The following CACNA2D1 variants were observed in gnomAD, a reference collection of about 807,000 sequenced individuals.
CACNA2D1 encodes calcium voltage-gated channel auxiliary subunit alpha2delta 1, also known as voltage-dependent calcium channel subunit alpha-2/delta-1.
CACNA2D1 carries 53 observed loss-of-function variants against 171.5 expected under a neutral mutation model. That is an observed-to-expected ratio of 0.31 (90% confidence interval 0.25 to 0.39). CACNA2D1 has a LOEUF of 0.39. Ranked by LOEUF, CACNA2D1 falls within the 10% of genes least tolerant of loss-of-function variation. The pLI, the probability that CACNA2D1 is intolerant of heterozygous loss-of-function variation, is 1.00. For missense variants in CACNA2D1, 903 were observed against 1,299.8 expected, an observed-to-expected ratio of 0.69 and a Z score of 4.69; for synonymous variants, 442 against 443.1, an observed-to-expected ratio of 1.00 and a Z score of 0.03.
intron 6 of CACNA2D1, among the ~76,000 whole-genome samples, chr7:82,114,526 C>T (rs534275209): frequency 3.3e-5 from 5 of 152,054 alleles, no homozygotes; most frequent in South Asian, 4.1e-4. Context: ...GGGTGGATCA[C>T]GAGGTCAGGA....
At chr7:82,092,540 C>CTTTTTTTTTTT (rs71093360) in intron 6 of CACNA2D1, among the ~76,000 whole-genome samples, 183 of 102,650 alleles carry the variant, frequency 1.8e-3, no homozygotes, top group Middle Eastern at 5.7e-3. Context: ...GCCCAGCTAA[C>CTTTTTTTTTTT]TTTTTTTTTT....
intron 3 of CACNA2D1, among the ~76,000 whole-genome samples, chr7:82,265,416 CTTTTTTTTT>C (rs765047961): frequency 1.3e-5 from 1 of 77,298 alleles, no homozygotes; most frequent in Middle Eastern, 0.012. Flanking sequence ...TTTTTCCTTT[CTTTTTTTTT>C]TTTTTTTTTT....
At chr7:82,360,308 A>G (rs1820952181) in intron 1 of CACNA2D1, among the ~76,000 whole-genome samples, 1 of 152,204 alleles carries the variant, frequency 6.6e-6, no homozygotes, top group Non-Finnish European at 1.5e-5. Context: ...AGGCTGTTAC[A>G]GTTAGAAAAT....
chr7:82,272,000 A>C (rs1301684110), intron 3 of CACNA2D1, among the ~76,000 whole-genome samples: 2 of 152,068 alleles, frequency 1.3e-5, no homozygotes, highest in South Asian at 4.1e-4. Context: ...ATGGACTAGC[A>C]ATCTAAACAT....
chr7:82,234,402 G>A (rs777797550), intron 3 of CACNA2D1, among the ~76,000 whole-genome samples: 5 of 152,004 alleles, frequency 3.3e-5, no homozygotes, highest in Non-Finnish European at 7.4e-5. Context: ...ATGTCACAGA[G>A]GGTAGGGTAA....
intron 3 of CACNA2D1, among the ~76,000 whole-genome samples, chr7:82,271,938 C>A (rs1256623227): frequency 2.0e-5 from 3 of 151,942 alleles, no homozygotes; most frequent in Non-Finnish European, 2.9e-5. Context: ...CTTCCTGAAT[C>A]TATTTCAACT....
intron 3 of CACNA2D1, among the ~76,000 whole-genome samples, chr7:82,286,136 T>A (rs1373940185): frequency 6.6e-6 from 1 of 152,154 alleles, no homozygotes; most frequent in East Asian, 1.9e-4. Context: ...TATTTAACAT[T>A]TGTGTGTCTG....
At chr7:82,127,933 T>C (rs1790523768) in intron 5 of CACNA2D1, among the ~76,000 whole-genome samples, 1 of 152,086 alleles carries the variant, frequency 6.6e-6, no homozygotes, top group East Asian at 1.9e-4. Context: ...TGAGGTTTTT[T>C]GTTTGTTTTT....
intron 1 of CACNA2D1, among the ~76,000 whole-genome samples, chr7:82,397,059 T>G (rs1338971967): frequency 6.6e-6 from 1 of 152,186 alleles, no homozygotes; most frequent in African/African-American, 2.4e-5. Context: ...AAAAGTTGCA[T>G]GGTCCTCCCC....
At chr7:82,367,915 A>C (rs1821927493) in intron 1 of CACNA2D1, among the ~76,000 whole-genome samples, 1 of 152,198 alleles carries the variant, frequency 6.6e-6, no homozygotes, top group Admixed American at 6.5e-5. Context: ...TTCTATTTGC[A>C]ATATCTGAAT....
intron 3 of CACNA2D1, among the ~76,000 whole-genome samples, chr7:82,190,922 T>C (rs1213617803): frequency 6.6e-6 from 1 of 151,708 alleles, no homozygotes; most frequent in Non-Finnish European, 1.5e-5. Flanking sequence ...TGCCATTGAA[T>C]GACACTACAA....
chr7:82,111,364 GTATATATATATTCATATA>G (rs1563064810), intron 6 of CACNA2D1, among the ~76,000 whole-genome samples: 35 of 105,472 alleles, frequency 3.3e-4, no homozygotes, highest in Non-Finnish European at 5.2e-4. Context: ...GTGTATATAT[GTATATATATATTCATATA>G]TGTGTATATA....
At chr7:82,329,004 T>A (rs1816970609) in intron 3 of CACNA2D1, among the ~76,000 whole-genome samples, 1 of 152,122 alleles carries the variant, frequency 6.6e-6, no homozygotes, top group South Asian at 2.1e-4. Context: ...TTTTCTTGAG[T>A]TTCTTTCCAC....
chr7:82,068,305 G>C (rs1807906221), intron 7 of CACNA2D1, among the ~76,000 whole-genome samples: 1 of 152,018 alleles, frequency 6.6e-6, no homozygotes. Context: ...GAAAGACCTG[G>C]AACCTCAGAG....
At chr7:82,414,676 C>T (rs554526812) in intron 1 of CACNA2D1, among the ~76,000 whole-genome samples, 21 of 152,228 alleles carry the variant, frequency 1.4e-4, no homozygotes, top group South Asian at 8.3e-4. Flanking sequence ...CTGATCCATT[C>T]GAAGGAGGTG....
intron 38 of CACNA2D1, among the ~76,000 whole-genome samples, chr7:81,954,385 G>C (rs1792970320): frequency 6.6e-6 from 1 of 151,862 alleles, no homozygotes; most frequent in East Asian, 1.9e-4. Context: ...AAAAGACTGT[G>C]TTATTAAAGA....
At chr7:82,224,469 C>A (rs1320494961) in intron 3 of CACNA2D1, among the ~76,000 whole-genome samples, 1 of 152,002 alleles carries the variant, frequency 6.6e-6, no homozygotes, top group African/African-American at 2.4e-5. Context: ...GCCTGTAATC[C>A]CAGCTACTCA....
At chr7:82,362,611 C>T (rs1484568095) in intron 1 of CACNA2D1, among the ~76,000 whole-genome samples, 12 of 152,156 alleles carry the variant, frequency 7.9e-5, no homozygotes, top group Admixed American at 7.9e-4. Context: ...ACTGTCTTTT[C>T]AACTACCCTA....
chr7:82,054,313 G>A (rs1221839696), intron 10 of CACNA2D1, among the ~76,000 whole-genome samples: 1 of 152,150 alleles, frequency 6.6e-6, no homozygotes, highest in Non-Finnish European at 1.5e-5. Flanking sequence ...ACTTTTAACT[G>A]CCTGAGATTG....
Sources: allele counts gnomAD v4.1 joint callset (sites outside exome capture counted in the v4.1 genomes callset), GRCh38; gene constraint gnomAD v4.1.1; transcripts MANE v1.5; gene names NCBI Gene and HGNC (gene_info 2026-07-23, HGNC 2026-07-21).